Variants in AFG2A observed in about 807,000 individuals in gnomAD.
AFG2A encodes AAA ATPase AFG2A, also known as ATPase family gene 2 protein homolog A.
the AFG2A span, chr4:122,923,314 T>C: frequency 6.2e-7 from 1 of 1,613,550 alleles, no homozygotes. Context: ...GGGTAAAGAA[T>C]TCCGGGTGGG....
the AFG2A span, among the ~76,000 whole-genome samples, chr4:123,087,338 G>GT: frequency 1.3e-5 from 2 of 152,112 alleles, no homozygotes; most frequent in Non-Finnish European, 2.9e-5. Flanking sequence ...TGGAGCTGGA[G>GT]TTTTTTATTT....
At chr4:123,270,807 T>C in the AFG2A span, among the ~76,000 whole-genome samples, 40 of 152,238 alleles carry the variant, frequency 2.6e-4, no homozygotes, top group East Asian at 7.5e-3. Flanking sequence ...AAACTCAGAA[T>C]CATAGCTGGA....
the AFG2A span, among the ~76,000 whole-genome samples, chr4:123,041,516 G>GT: frequency 1.3e-5 from 2 of 151,190 alleles, no homozygotes; most frequent in African/African-American, 2.4e-5. Context: ...GTTTTTTGGG[G>GT]TTTTTTTGTT....
chr4:122,928,952 C>A, the AFG2A span: 1 of 1,476,742 alleles, frequency 6.8e-7, no homozygotes, highest in Non-Finnish European at 9.0e-7. Flanking sequence ...ATCTTAAGTG[C>A]TTGACTGTGC....
chr4:123,132,276 C>T, the AFG2A span, among the ~76,000 whole-genome samples: 2 of 152,102 alleles, frequency 1.3e-5, no homozygotes, highest in Non-Finnish European at 2.9e-5. Flanking sequence ...TATCCTTTGA[C>T]TAATATCGCA....
At chr4:122,952,383 A>G in the AFG2A span, among the ~76,000 whole-genome samples, 1 of 152,172 alleles carries the variant, frequency 6.6e-6, no homozygotes, top group Non-Finnish European at 1.5e-5. Flanking sequence ...TTCGTGGATT[A>G]GTCTCAGTGG....
At chr4:123,008,616 CT>C in the AFG2A span, among the ~76,000 whole-genome samples, 2 of 152,100 alleles carry the variant, frequency 1.3e-5, no homozygotes, top group African/African-American at 2.4e-5. Context: ...TTCATGTACT[CT>C]TTAGAGAACT....
chr4:123,070,291 T>C, the AFG2A span, among the ~76,000 whole-genome samples: 1 of 152,168 alleles, frequency 6.6e-6, no homozygotes, highest in Non-Finnish European at 1.5e-5. Context: ...ATTATTATAA[T>C]GCCCCAAACT....
chr4:123,155,169 C>G, the AFG2A span, among the ~76,000 whole-genome samples: 3 of 152,258 alleles, frequency 2.0e-5, no homozygotes, highest in South Asian at 2.1e-4. Flanking sequence ...ACTGCAGCCT[C>G]GAACTCCTGG....
chr4:123,106,739 A>T, the AFG2A span, among the ~76,000 whole-genome samples: 1 of 152,240 alleles, frequency 6.6e-6, no homozygotes, highest in Non-Finnish European at 1.5e-5. Flanking sequence ...GGAAACCTCC[A>T]TGGCCAGTGG....
At chr4:122,946,219 G>C in the AFG2A span, among the ~76,000 whole-genome samples, 6,257 of 152,304 alleles carry the variant, frequency 0.041, 416 homozygotes, top group African/African-American at 0.14. Context: ...CAAATATAGA[G>C]AGCTGTCTTA....
At chr4:122,989,844 A>G in the AFG2A span, among the ~76,000 whole-genome samples, 1 of 152,178 alleles carries the variant, frequency 6.6e-6, no homozygotes, top group East Asian at 1.9e-4. Flanking sequence ...AGATTCTTCA[A>G]TGCATGTTTT....
chr4:123,234,560 T>C, the AFG2A span, among the ~76,000 whole-genome samples: 1 of 152,144 alleles, frequency 6.6e-6, no homozygotes, highest in South Asian at 2.1e-4. Context: ...GGCCTCAGTC[T>C]TCTCAGTAAA....
At chr4:122,998,295 T>C in the AFG2A span, among the ~76,000 whole-genome samples, 3 of 152,112 alleles carry the variant, frequency 2.0e-5, no homozygotes, top group African/African-American at 7.2e-5. Flanking sequence ...CATTTAGATC[T>C]TTGATTCATT....
At chr4:123,215,900 T>C in the AFG2A span, among the ~76,000 whole-genome samples, 1 of 152,154 alleles carries the variant, frequency 6.6e-6, no homozygotes, top group African/African-American at 2.4e-5. Context: ...ACAGTCTTTC[T>C]TCTTCTCTCT....
At chr4:123,292,571 G>A in the AFG2A span, among the ~76,000 whole-genome samples, 11 of 152,100 alleles carry the variant, frequency 7.2e-5, no homozygotes, top group Non-Finnish European at 1.5e-4. Context: ...TGACTTTAAT[G>A]TTTGCGGTAT....
At chr4:123,269,503 C>A in the AFG2A span, among the ~76,000 whole-genome samples, 2 of 152,138 alleles carry the variant, frequency 1.3e-5, no homozygotes, top group African/African-American at 2.4e-5. Flanking sequence ...CACTAAAAGT[C>A]CATCTTGACA....
the AFG2A span, among the ~76,000 whole-genome samples, chr4:123,176,570 C>G: frequency 1.3e-5 from 2 of 152,092 alleles, no homozygotes; most frequent in African/African-American, 4.8e-5. Context: ...ATACAAGACC[C>G]TATACCAAAT....
At chr4:123,250,965 A>AT in the AFG2A span, among the ~76,000 whole-genome samples, 2 of 152,140 alleles carry the variant, frequency 1.3e-5, no homozygotes, top group African/African-American at 4.8e-5. Flanking sequence ...CTTTCCTACT[A>AT]TTTTTTAAGC....
Sources: allele counts gnomAD v4.1 joint callset (sites outside exome capture counted in the v4.1 genomes callset), GRCh38; gene constraint gnomAD v4.1.1; transcripts MANE v1.5; gene names NCBI Gene and HGNC (gene_info 2026-07-23, HGNC 2026-07-21).